The following SP140L variants were observed in gnomAD, a reference collection of about 807,000 sequenced individuals.
The protein encoded by SP140L is SP140 like nuclear body protein, also known as nuclear body protein SP140-like protein.
In SP140L, 64 loss-of-function variants were observed where a neutral mutation model predicts 84.3. That is an observed-to-expected ratio of 0.76 (90% CI 0.62 to 0.94). The LOEUF is 0.94. SP140L is among the 40% of genes least tolerant of loss of function. The pLI is 0.00. For missense variants in SP140L, 628 were observed against 692.5 expected (o/e 0.91, Z 1.05); for synonymous variants, 242 against 236.9 (o/e 1.02, Z -0.20).
At chr2:230,383,428 T>C in intron 7 of SP140L, 82 bp from the exon 8 acceptor site, 1 of 1,423,130 alleles carries the variant, frequency 7.0e-7, no homozygotes, top group Non-Finnish European at 9.4e-7. Context: ...TATGAAAAAA[T>C]CTTGTATACT....
intron 14 of SP140L, among the ~76,000 whole-genome samples, chr2:230,399,429 A>G (rs1020560407): frequency 4.6e-5 from 7 of 152,330 alleles, no homozygotes; most frequent in African/African-American, 1.4e-4. Context: ...TCAACACTGT[A>G]TGGTACTGTT....
intron 2 of SP140L, among the ~76,000 whole-genome samples, chr2:230,331,735 G>A (rs554249942): frequency 2.8e-4 from 43 of 152,170 alleles, no homozygotes; most frequent in African/African-American, 9.6e-4. Context: ...ACAGGAACTC[G>A]TTTTCCTTTT....
intron 2 of SP140L, among the ~76,000 whole-genome samples, chr2:230,354,919 A>G (rs1445350183): frequency 3.5e-5 from 4 of 114,848 alleles, no homozygotes; most frequent in African/African-American, 9.5e-5. Flanking sequence ...AAGAAAGAAA[A>G]AGAAAGAAAA....
At chr2:230,372,292 G>GAAAGT (rs1036508940) in intron 7 of SP140L, 3 of 152,530 alleles carry the variant, frequency 2.0e-5, no homozygotes, top group African/African-American at 7.2e-5. Context: ...ACATATTCCT[G>GAAAGT]AAAGTGTTGG....
chr2:230,371,050 C>A, intron 6 of SP140L, 83 bp downstream of exon 6: 1 of 1,218,956 alleles, frequency 8.2e-7, no homozygotes, highest in South Asian at 1.2e-5. Context: ...GTGCTCCAGT[C>A]CGCCCAGAAT....
At chr2:230,330,003 ATAT>A (rs1397925099) in intron 2 of SP140L, among the ~76,000 whole-genome samples, 1 of 151,896 alleles carries the variant, frequency 6.6e-6, no homozygotes, top group African/African-American at 2.4e-5. Flanking sequence ...GAACTTTGGG[ATAT>A]TATTATCGTC....
intron 2 of SP140L, among the ~76,000 whole-genome samples, chr2:230,348,525 C>T (rs534844298): frequency 8.5e-5 from 13 of 152,260 alleles, no homozygotes; most frequent in East Asian, 1.9e-4. Flanking sequence ...ATGTGTCTTT[C>T]GGAGAAATAT....
intron 18 of SP140L, 96 bp downstream of exon 18, chr2:230,401,903 G>C: frequency 7.3e-7 from 1 of 1,375,830 alleles, no homozygotes; most frequent in South Asian, 1.3e-5. Flanking sequence ...CCTGTAATAA[G>C]CTTGCACGAG....
intron 2 of SP140L, among the ~76,000 whole-genome samples, chr2:230,333,553 C>T (rs1375314674): frequency 6.6e-6 from 1 of 152,164 alleles, no homozygotes; most frequent in Non-Finnish European, 1.5e-5. Context: ...TCTAAATTCT[C>T]ATGATGGTTT....
intron 7 of SP140L, among the ~76,000 whole-genome samples, chr2:230,375,416 A>G (rs1257985417): frequency 6.6e-6 from 1 of 152,170 alleles, no homozygotes; most frequent in Admixed American, 6.5e-5. Context: ...ATACCCCCAA[A>G]TTAGATTTCT....
Position 230,381,192 on chromosome 2 carries a change from T to A in SP140L, c.638-2318T>A, listed in dbSNP as rs531874963. Among the ~76,000 whole-genome samples, 3 of 152,178 alleles carry A rather than the reference T, an allele frequency of 2.0e-5. No individual in the cohort carries two copies. In the South Asian group the frequency reaches 6.2e-4, roughly 32 times the overall value. The stretch of plus-strand genomic sequence containing the variant: ...CCAAACCTTACCTCCGAGGGAGATA[T>A]TATCTTTTTAGCTGGAACGTAAGCA... On this transcript the variant is annotated intron_variant, in intron 7 of 18. Coordinates refer to ENST00000415673, the MANE Select transcript of SP140L (RefSeq NM_138402.6).
At chr2:230,383,897 T>C (rs896663373) in intron 8 of SP140L, among the ~76,000 whole-genome samples, 2 of 152,114 alleles carry the variant, frequency 1.3e-5, no homozygotes, top group African/African-American at 4.8e-5. Flanking sequence ...GAAAGCAAGG[T>C]GTATGTGTAT....
At chr2:230,400,715 T>G (rs3731728) in intron 15 of SP140L, 140,863 of 864,380 alleles carry the variant, frequency 0.16, 13,223 homozygotes, top group South Asian at 0.34. Flanking sequence ...AGGGAAAGGA[T>G]AGTCCCCACT....
intron 2 of SP140L, among the ~76,000 whole-genome samples, chr2:230,330,890 C>T (rs947420436): frequency 5.9e-5 from 9 of 152,194 alleles, no homozygotes; most frequent in Admixed American, 2.6e-4. Flanking sequence ...CTCTCCATCC[C>T]GCCCAGGATG....
At chr2:230,364,049 C>A (rs1196108978) in intron 5 of SP140L, among the ~76,000 whole-genome samples, 1 of 151,958 alleles carries the variant, frequency 6.6e-6, no homozygotes, top group East Asian at 1.9e-4. Flanking sequence ...GTACCATGTT[C>A]TTTTGATTAT....
At chr2:230,351,176 A>G (rs558837557) in intron 2 of SP140L, among the ~76,000 whole-genome samples, 31 of 152,308 alleles carry the variant, frequency 2.0e-4, no homozygotes, top group Admixed American at 1.9e-3. Flanking sequence ...TATATTTTAA[A>G]ATTTAGCGGA....
At chr2:230,392,315 T>G in intron 12 of SP140L, 86 bp downstream of exon 12, 2 of 1,582,628 alleles carry the variant, frequency 1.3e-6, no homozygotes, top group Non-Finnish European at 8.6e-7. Flanking sequence ...AAATATTTGT[T>G]AGGTTATAGC....
intron 9 of SP140L, among the ~76,000 whole-genome samples, chr2:230,387,093 G>A (rs2061614792): frequency 6.6e-6 from 1 of 152,184 alleles, no homozygotes; most frequent in Admixed American, 6.5e-5. Flanking sequence ...AGCCACACCT[G>A]TGTGGCTGAT....
At chr2:230,373,758 A>C (rs1210079714) in intron 7 of SP140L, among the ~76,000 whole-genome samples, 1 of 152,230 alleles carries the variant, frequency 6.6e-6, no homozygotes, top group Non-Finnish European at 1.5e-5. Flanking sequence ...AATATTTAAG[A>C]AATACATGTT....
Sources: allele counts gnomAD v4.1 joint callset (sites outside exome capture counted in the v4.1 genomes callset), GRCh38; gene constraint gnomAD v4.1.1; transcripts MANE v1.5; gene names NCBI Gene and HGNC (gene_info 2026-07-23, HGNC 2026-07-21).